PTPRT: variants seen among roughly 807,000 people sequenced by gnomAD.
PTPRT encodes the protein receptor-type tyrosine-protein phosphatase T.
Under a neutral mutation model 176.8 loss-of-function variants are expected in PTPRT, and 56 were observed. The ratio of observed to expected loss-of-function variants is 0.32; its 90% CI spans 0.26 to 0.40. The LOEUF (loss-of-function observed/expected upper bound fraction) is 0.40. Among genes scored for constraint, PTPRT ranks in the 10% least tolerant of loss-of-function variants. PTPRT has a pLI of 1.00. For synonymous variants in PTPRT, 783 were observed against 739.0 expected, an observed-to-expected ratio of 1.06 and a Z score of -0.96; for missense variants, 1,540 against 1,908.2, an observed-to-expected ratio of 0.81 and a Z score of 3.60.
At chr20:42,369,114 A>ATCCG (rs1276798724) in intron 9 of PTPRT, among the ~76,000 whole-genome samples, 2 of 139,484 alleles carry the variant, frequency 1.4e-5, no homozygotes, top group African/African-American at 2.7e-5. Flanking sequence ...CCTTCCATCC[A>ATCCG]TCCGTCCGTC....
At position 42,866,213 on chromosome 20, in the gene PTPRT, C is replaced by T. The variant is rs140757945; in HGVS notation, c.214+19594G>A. Among the ~76,000 whole-genome samples the T allele has an allele frequency of 5.2e-3, 785 of 152,308 alleles. 3 individuals carry two copies. The highest frequency in any genetic ancestry group is 6.8e-3 in the Middle Eastern group (2 of 294). ...AACACTGGGCCAACACTTTCACTTG[C>T]TAAGAACCCAGTATTGTGGGCACAG... On this transcript the variant is annotated intron_variant, in intron 2 of 30. Coordinates refer to ENST00000373187, the MANE Select transcript of PTPRT (RefSeq NM_007050.6).
At chr20:42,172,197 T>G (rs972003536) in intron 16 of PTPRT, among the ~76,000 whole-genome samples, 8 of 150,910 alleles carry the variant, frequency 5.3e-5, no homozygotes, top group African/African-American at 9.8e-5. Flanking sequence ...TCATTGAAAA[T>G]AGAAAGAAAG....
chr20:42,784,580 C>A (rs2077261547), intron 3 of PTPRT, among the ~76,000 whole-genome samples: 1 of 151,928 alleles, frequency 6.6e-6, no homozygotes, highest in Admixed American at 6.6e-5. Flanking sequence ...AGAGTGGGCC[C>A]CTCATTGTGA....
chr20:42,456,276 C>T (rs1375531813), intron 8 of PTPRT, among the ~76,000 whole-genome samples: 1 of 151,906 alleles, frequency 6.6e-6, no homozygotes, highest in South Asian at 2.1e-4. Flanking sequence ...TATATTAATT[C>T]TAATAATTTG....
At position 42,074,394 on chromosome 20, in the gene PTPRT, G is replaced by C; in HGVS notation, c.*6485C>G. ...CACATCCAAGAGTCCTGCTCACTAA[G>C]GAACCATGAACTACATTAATTACCC... On this transcript the variant is annotated 3_prime_UTR_variant, in exon 31 of 31. Coordinates refer to ENST00000373187, the MANE Select transcript of PTPRT (RefSeq NM_007050.6). 4.1e-6 allele frequency: 1 copy of C among 244,470 alleles called. No individual in the cohort carries two copies. The allele number at this position is 244,470 out of a possible 1,614,324, so 15.1% of individuals were successfully genotyped here. A position where few individuals can be genotyped will look rare whatever the true frequency, so the allele number is the denominator to read the frequency against.
intron 7 of PTPRT, among the ~76,000 whole-genome samples, chr20:42,490,417 T>C (rs1217360262): frequency 5.3e-5 from 8 of 152,138 alleles, no homozygotes; most frequent in South Asian, 2.1e-4. Context: ...TAAAGTTTTC[T>C]CCATTGAGAT....
intron 7 of PTPRT, among the ~76,000 whole-genome samples, chr20:42,604,437 G>C (rs1267566982): frequency 6.6e-6 from 1 of 152,138 alleles, no homozygotes; most frequent in African/African-American, 2.4e-5. Flanking sequence ...CATGAATACT[G>C]TGAGTTAGGC....
At chr20:43,046,298 G>A (rs545074188) in intron 1 of PTPRT, among the ~76,000 whole-genome samples, 7 of 152,202 alleles carry the variant, frequency 4.6e-5, no homozygotes, top group East Asian at 3.9e-4. Flanking sequence ...GAGGCCAGGC[G>A]CGGTGGCTCG....
intron 26 of PTPRT, among the ~76,000 whole-genome samples, chr20:42,100,105 C>A (rs1198204616): frequency 1.3e-5 from 2 of 152,288 alleles, no homozygotes; most frequent in African/African-American, 2.4e-5. Flanking sequence ...GATGAGAATA[C>A]CCACATGCAA....
chr20:43,177,018 T>A (rs1229831272), intron 1 of PTPRT, among the ~76,000 whole-genome samples: 1 of 152,202 alleles, frequency 6.6e-6, no homozygotes, highest in Admixed American at 6.5e-5. Context: ...CCTGTATTTT[T>A]GGCTAAATAA....
intron 11 of PTPRT, among the ~76,000 whole-genome samples, chr20:42,336,703 A>G (rs1006495014): frequency 6.7e-6 from 1 of 150,174 alleles, no homozygotes; most frequent in Non-Finnish European, 1.5e-5. Flanking sequence ...TTGGTTATTT[A>G]TAACAAAAAA....
intron 1 of PTPRT, among the ~76,000 whole-genome samples, chr20:42,908,249 T>C (rs1470382194): frequency 6.6e-6 from 1 of 152,092 alleles, no homozygotes; most frequent in African/African-American, 2.4e-5. Flanking sequence ...TTCAATTTCC[T>C]CATCTAAGAA....
At chr20:42,733,481 A>T (rs1600675539) in intron 6 of PTPRT, among the ~76,000 whole-genome samples, 1 of 152,178 alleles carries the variant, frequency 6.6e-6, no homozygotes, top group South Asian at 2.1e-4. Flanking sequence ...TACATTAATC[A>T]TCTCCATCGC....
At chr20:42,904,477 G>A (rs1220393781) in intron 1 of PTPRT, among the ~76,000 whole-genome samples, 3 of 152,112 alleles carry the variant, frequency 2.0e-5, no homozygotes, top group African/African-American at 7.2e-5. Context: ...GGATCTGGCT[G>A]GAAGCTCTTG....
chr20:43,136,440 G>A (rs770613456), intron 1 of PTPRT, among the ~76,000 whole-genome samples: 9 of 152,052 alleles, frequency 5.9e-5, no homozygotes, highest in Non-Finnish European at 1.3e-4. Flanking sequence ...TTGATTTCTG[G>A]CCTTCCAAGA....
intron 16 of PTPRT, among the ~76,000 whole-genome samples, chr20:42,178,734 A>T (rs1990396540): frequency 6.6e-6 from 1 of 152,208 alleles, no homozygotes; most frequent in Non-Finnish European, 1.5e-5. Context: ...CAGCTGGGAG[A>T]GAATTCAAGT....
intron 9 of PTPRT, among the ~76,000 whole-genome samples, chr20:42,443,504 C>T (rs1401259110): frequency 6.6e-6 from 1 of 152,198 alleles, no homozygotes; most frequent in Non-Finnish European, 1.5e-5. Flanking sequence ...AAGTGCAAAT[C>T]CCCAAAGATC....
intron 15 of PTPRT, among the ~76,000 whole-genome samples, chr20:42,216,347 C>T (rs973077679): frequency 3.9e-5 from 6 of 152,222 alleles, no homozygotes; most frequent in African/African-American, 1.2e-4. Context: ...ACCAATTCCC[C>T]AGGGCCTTAC....
intron 6 of PTPRT, among the ~76,000 whole-genome samples, chr20:42,695,105 C>T (rs1463485956): frequency 6.6e-6 from 1 of 152,124 alleles, no homozygotes; most frequent in Non-Finnish European, 1.5e-5. Context: ...TTTAAGAATT[C>T]TTGATATATT....
Sources: allele counts gnomAD v4.1 joint callset (sites outside exome capture counted in the v4.1 genomes callset), GRCh38; gene constraint gnomAD v4.1.1; transcripts MANE v1.5; gene names NCBI Gene and HGNC (gene_info 2026-07-23, HGNC 2026-07-21).